Variants in DCAF17 observed in about 807,000 individuals in gnomAD.
The protein encoded by DCAF17 is DDB1- and CUL4-associated factor 17.
In DCAF17, 48 loss-of-function variants were observed where a neutral mutation model predicts 66.0. That is an observed-to-expected ratio of 0.73 (90% CI 0.58 to 0.92). The LOEUF (loss-of-function observed/expected upper bound fraction) is 0.92. DCAF17 is among the 40% of genes least tolerant of loss of function. The pLI, the probability that DCAF17 is intolerant of heterozygous loss-of-function variation, is 0.00. For missense variants in DCAF17, 562 were observed against 622.8 expected (o/e 0.90, Z 1.04); for synonymous variants, 206 against 214.6 (o/e 0.96, Z 0.35).
At chr2:171,472,602 C>A (rs1696308673) in intron 9 of DCAF17, among the ~76,000 whole-genome samples, 1 of 152,166 alleles carries the variant, frequency 6.6e-6, no homozygotes, top group Admixed American at 6.5e-5. Flanking sequence ...ATATCTGGTG[C>A]ATGGGTCAAT....
At chr2:171,478,174 G>T (rs1212421641) in intron 12 of DCAF17, 104 bp downstream of exon 12, 1 of 1,068,952 alleles carries the variant, frequency 9.4e-7, no homozygotes, top group African/African-American at 1.6e-5. Flanking sequence ...GGGGTTGAGG[G>T]GTTGCAGGCA....
chr2:171,465,813 T>C (rs903014940), intron 8 of DCAF17, among the ~76,000 whole-genome samples: 2 of 152,168 alleles, frequency 1.3e-5, no homozygotes, highest in African/African-American at 2.4e-5. Flanking sequence ...CTTTCTGTTT[T>C]TATTTTTTAT....
chr2:171,484,557 AGAGTT>A lies in DCAF17; in HGVS notation c.*3444_*3448del. 1 of 451,232 alleles carries A rather than the reference AGAGTT, an allele frequency of 2.2e-6. No homozygotes were observed. Among genetic ancestry groups the A allele is most frequent in the Non-Finnish European group, 4.4e-6 (1 of 226,286 alleles). The allele number at this position is 451,232 out of a possible 1,614,324, so 28.0% of individuals were successfully genotyped here. A position where few individuals can be genotyped will look rare whatever the true frequency, so the allele number is the denominator to read the frequency against. On this transcript the variant is annotated 3_prime_UTR_variant, in exon 14 of 14. Transcript: ENST00000375255. ...GTACTTCAACTGCAGATTATTAACT[AGAGTT>A]TAGTATTTATTTAGTTTTTAAATTT... is the stretch of plus-strand genomic sequence containing the variant.
intron 8 of DCAF17, among the ~76,000 whole-genome samples, chr2:171,463,223 T>TA (rs1559279485): frequency 5.4e-4 from 76 of 141,872 alleles, no homozygotes; most frequent in African/African-American, 1.3e-3. Flanking sequence ...GAGCGAGATT[T>TA]TAAAAAAAAA....
At position 171,481,166 on chromosome 2, in the gene DCAF17, G is replaced by C. The variant is rs1696726029; in HGVS notation, c.*52G>C. 4 of 1,609,110 alleles carry C rather than the reference G, an allele frequency of 2.5e-6. No homozygotes were observed. The African/African-American group carries it at 5.3e-5, about 22-fold the overall frequency. Reference sequence around the variant, plus strand: ...AGACTTTTAGCCAAACACCCCAGCAGCTGCGTCCAATCCATTTTATTATCT... The same window carrying C: ...AGACTTTTAGCCAAACACCCCAGCACCTGCGTCCAATCCATTTTATTATCT... On this transcript the variant is annotated 3_prime_UTR_variant, in exon 14 of 14. Coordinates refer to ENST00000375255, the MANE Select transcript of DCAF17 (RefSeq NM_025000.4).
chr2:171,460,439 AT>A (rs369500669), intron 8 of DCAF17, among the ~76,000 whole-genome samples: 204 of 151,730 alleles, frequency 1.3e-3, no homozygotes, highest in African/African-American at 4.7e-3. Context: ...AGAAGACTGG[AT>A]TTGGGATCAG....
chr2:171,441,718 G>A (rs1694316718), intron 2 of DCAF17, among the ~76,000 whole-genome samples: 1 of 152,222 alleles, frequency 6.6e-6, no homozygotes, highest in Admixed American at 6.5e-5. Flanking sequence ...AAGGGACTAT[G>A]CCCTGGTTCA....
rs1696715471 is a variant in DCAF17, at chr2:171,480,957, A to G, written c.1423-17A>G. The G allele has an allele frequency of 6.2e-7, 1 of 1,613,330 alleles. No homozygotes were observed. The highest frequency in any genetic ancestry group is 1.3e-5 in the African/African-American group (1 of 74,886). On this transcript the variant is annotated splice_polypyrimidine_tract_variant and intron_variant, in intron 13 of 13. Coordinates refer to ENST00000375255, the MANE Select transcript of DCAF17 (RefSeq NM_025000.4). ...GGCTGTGTGAAAAGGACTCCATATG[A>G]TTGTGTTTTGTTACAGACATATAGC... is the stretch of plus-strand genomic sequence containing the variant.
rs765320898 is a variant in DCAF17 at position 171,480,088 on chromosome 2, A to T, written c.1317A>T (p.Val439=). 6.2e-7 allele frequency: 1 copy of T among 1,613,724 alleles called. No individual in the cohort carries two copies. The highest frequency in any genetic ancestry group is 2.2e-5 in the East Asian group (1 of 44,878). Residue 439 remains valine, a synonymous_variant, in exon 13 of 14, where the codon GTA becomes GTT. Transcript: ENST00000375255. ...ATGAGTTAGATTTGCTTTCTGTGGTAGCTGTTACTCAAATAGATGCTGAAG... is the reference window on the plus strand; with the variant it reads ...ATGAGTTAGATTTGCTTTCTGTGGTTGCTGTTACTCAAATAGATGCTGAAG... ...YEDELDLLSV[V]AVTQIDAEGK...
At chr2:171,437,078 A>G (rs900856793) in intron 2 of DCAF17, among the ~76,000 whole-genome samples, 1 of 152,098 alleles carries the variant, frequency 6.6e-6, no homozygotes, top group African/African-American at 2.4e-5. Flanking sequence ...CCAGCCACAG[A>G]GAGGTTAATT....
chr2:171,437,439 A>C (rs1342055962), intron 2 of DCAF17, among the ~76,000 whole-genome samples: 1 of 152,118 alleles, frequency 6.6e-6, no homozygotes, highest in Non-Finnish European at 1.5e-5. Flanking sequence ...AGTCTGTTCC[A>C]CTGATCTGTA....
chr2:171,480,662 T>C (rs1696701961), intron 13 of DCAF17, among the ~76,000 whole-genome samples: 1 of 152,152 alleles, frequency 6.6e-6, no homozygotes, highest in Admixed American at 6.5e-5. Flanking sequence ...GTTTTATCAG[T>C]GGAGAACCTG....
At chr2:171,479,666 C>A in intron 12 of DCAF17, 1 of 252,478 alleles carries the variant, frequency 4.0e-6, no homozygotes, top group Non-Finnish European at 7.7e-6. Context: ...CAGAACCGAG[C>A]TTCATGTGTT....
At chr2:171,447,747 C>A (rs1355163176) in intron 3 of DCAF17, among the ~76,000 whole-genome samples, 1 of 152,232 alleles carries the variant, frequency 6.6e-6, no homozygotes, top group East Asian at 1.9e-4. Context: ...GGTAATCCTT[C>A]TGCCTCACTC....
At chr2:171,435,469 G>A (rs1405433797) in intron 2 of DCAF17, among the ~76,000 whole-genome samples, 1 of 151,694 alleles carries the variant, frequency 6.6e-6, no homozygotes, top group East Asian at 1.9e-4. Flanking sequence ...TTATACCACA[G>A]TCAAGAAATC....
rs757732239 is a variant in DCAF17, at chr2:171,484,529, CT to C, written c.*3416del. The C allele has an allele frequency of 6.6e-6, 3 of 452,046 alleles. No homozygotes were observed. The highest frequency in any genetic ancestry group is 3.2e-5 in the South Asian group (2 of 63,454). The allele number at this position is 452,046 out of a possible 1,614,324, so 28.0% of individuals were successfully genotyped here. ...ATTGCAGTTGCTGATATACTTCCCC[CT>C]AGTACTTCAACTGCAGATTATTAAC... is the stretch of plus-strand genomic sequence containing the variant. On this transcript the variant is annotated 3_prime_UTR_variant, in exon 14 of 14. Coordinates refer to ENST00000375255, the MANE Select transcript of DCAF17 (RefSeq NM_025000.4).
chr2:171,434,331 G>A lies in DCAF17; in HGVS notation c.-247G>A, dbSNP rs1160545368. Reference sequence around the variant, plus strand: ...GAGCGTCGCACTGTCAGCGGCCAGAGAGCCTGGGGCAGATCGAAAAGGGAG... The same window carrying A: ...GAGCGTCGCACTGTCAGCGGCCAGAAAGCCTGGGGCAGATCGAAAAGGGAG... On this transcript the variant is annotated 5_prime_UTR_variant, in exon 1 of 14. Transcript: ENST00000375255. 4 of 691,058 alleles carry A rather than the reference G, an allele frequency of 5.8e-6. No homozygotes were observed. Among genetic ancestry groups the A allele is most frequent in the South Asian group, 1.5e-5 (1 of 67,060 alleles). 42.8% of individuals were successfully genotyped at this position (691,058 alleles called of 1,614,324 possible).
intron 1 of DCAF17, 72 bp downstream of exon 1, chr2:171,434,775 G>C: frequency 7.2e-7 from 1 of 1,387,610 alleles, no homozygotes; most frequent in Non-Finnish European, 9.2e-7. Flanking sequence ...GCGGGGATGC[G>C]GTTTTAACGC....
intron 2 of DCAF17, among the ~76,000 whole-genome samples, chr2:171,436,076 CATATA>C (rs1439869827): frequency 6.6e-6 from 1 of 152,208 alleles, no homozygotes; most frequent in Non-Finnish European, 1.5e-5. Flanking sequence ...TAAATGGAAT[CATATA>C]ATATATGGTC....
Sources: allele counts gnomAD v4.1 joint callset (sites outside exome capture counted in the v4.1 genomes callset), GRCh38; gene constraint gnomAD v4.1.1; transcripts MANE v1.5; gene names NCBI Gene and HGNC (gene_info 2026-07-23, HGNC 2026-07-21).